RBBP8NL: variants seen among roughly 807,000 people sequenced by gnomAD.
RBBP8NL encodes the protein RBBP8 N-terminal-like protein.
RBBP8NL carries 59 observed loss-of-function variants against 62.2 expected under a neutral mutation model. That is an observed-to-expected ratio of 0.95 (90% CI 0.77 to 1.18). The LOEUF (loss-of-function observed/expected upper bound fraction) is 1.18, where lower values mean the gene tolerates loss of function less well. Ranked by LOEUF, RBBP8NL falls within the 50% of genes most tolerant of loss-of-function variation. RBBP8NL has a pLI of 0.00. For synonymous variants in RBBP8NL, 412 were observed against 394.1 expected (o/e 1.05, Z -0.54); for missense variants, 896 against 899.5 (o/e 1.00, Z 0.05).
chr20:62,422,489 G>C (rs1450970896), intron 1 of RBBP8NL, among the ~76,000 whole-genome samples: 1 of 146,670 alleles, frequency 6.8e-6, no homozygotes, highest in Admixed American at 6.8e-5. Flanking sequence ...CTCTAACTGA[G>C]GGTGGCAGGC....
Position 62,419,308 on chromosome 20 carries a change from CA to C in RBBP8NL, c.61+278del, listed in dbSNP as rs532243166. ...GCAGGTGGCCATGAGGTGTTGGTGG[CA>C]ACCCTTGAAAGTGCCCCTCCCCCTC... On this transcript the variant is annotated intron_variant, in intron 2 of 13. Coordinates refer to ENST00000252998, the MANE Select transcript of RBBP8NL (RefSeq NM_080833.3). 5.3e-4 allele frequency among the ~76,000 whole-genome samples: 81 copies of C among 152,306 alleles called. No homozygotes were observed. In the East Asian group the frequency reaches 0.014, roughly 26 times the overall value.
At chr20:62,424,188 G>C (rs1988761393) in intron 1 of RBBP8NL, among the ~76,000 whole-genome samples, 2 of 152,018 alleles carry the variant, frequency 1.3e-5, no homozygotes, top group Admixed American at 1.3e-4. Context: ...CCACTCGGGA[G>C]TCCAGGCTGG....
chr20:62,418,222 C>T (rs1350901422), intron 3 of RBBP8NL, among the ~76,000 whole-genome samples: 2 of 152,302 alleles, frequency 1.3e-5, no homozygotes, highest in East Asian at 1.9e-4. Flanking sequence ...CCTGGGAGGC[C>T]GACGCAACTG....
At chr20:62,416,632 A>G in intron 5 of RBBP8NL, 128 bp downstream of exon 5, 1 of 655,716 alleles carries the variant, frequency 1.5e-6, no homozygotes, top group Admixed American at 2.7e-5. Context: ...TTGGGTTGTG[A>G]GGTTCCCCCA....
intron 1 of RBBP8NL, among the ~76,000 whole-genome samples, chr20:62,425,038 C>A (rs1988778019): frequency 6.6e-6 from 1 of 152,292 alleles, no homozygotes; most frequent in South Asian, 2.1e-4. Flanking sequence ...CTCTATGCGG[C>A]CTTGGGCAAG....
At chr20:62,417,853 C>G (rs80323438) in intron 3 of RBBP8NL, among the ~76,000 whole-genome samples, 1 of 39,882 alleles carries the variant, frequency 2.5e-5, no homozygotes, top group African/African-American at 1.3e-4. Context: ...GCTCCTCTGT[C>G]ACGTCTGTCC....
intron 13 of RBBP8NL, among the ~76,000 whole-genome samples, chr20:62,412,067 G>A (rs1988446488): frequency 6.6e-6 from 1 of 152,240 alleles, no homozygotes; most frequent in Non-Finnish European, 1.5e-5. Flanking sequence ...CAGGGCCGAG[G>A]CTCCTGCCGG....
chr20:62,418,411 G>A lies in RBBP8NL; in HGVS notation c.104+12C>T, dbSNP rs1376517514. 6 of 1,550,186 alleles carry A rather than the reference G, an allele frequency of 3.9e-6. No individual in the cohort carries two copies. The highest frequency in any genetic ancestry group is 5.2e-6 in the Non-Finnish European group (6 of 1,146,860). ...GTCCCTGTGAGGAGGGGCCCTGCTT[G>A]GCCTGACTCACCGGCACCTCTCTGA... On this transcript the variant is annotated intron_variant, in intron 3 of 13. Transcript: ENST00000252998.
Position 62,414,558 on chromosome 20 carries a change from TG to T in RBBP8NL, c.795-3del. 7.0e-7 allele frequency: 1 copy of T among 1,420,358 alleles called. No individual in the cohort carries two copies. The highest frequency in any genetic ancestry group is 9.2e-7 in the Non-Finnish European group (1 of 1,082,082). The allele number at this position is 1,420,358 out of a possible 1,614,324, so 88.0% of individuals were successfully genotyped here. ...GAGGGCCGGGAGGCCCGCAGGAAGC[TG>T]TGAGGGAGGAGAAGCCGAATGACCA... is the stretch of plus-strand genomic sequence containing the variant. On this transcript the variant is annotated splice_polypyrimidine_tract_variant and splice_region_variant and intron_variant, in intron 9 of 13. Coordinates refer to ENST00000252998, the MANE Select transcript of RBBP8NL (RefSeq NM_080833.3).
At chr20:62,424,588 A>T (rs2146446800) in intron 1 of RBBP8NL, among the ~76,000 whole-genome samples, 1 of 152,148 alleles carries the variant, frequency 6.6e-6, no homozygotes, top group Admixed American at 6.5e-5. Flanking sequence ...CATCCAGTAA[A>T]CGGGTGCCTC....
chr20:62,416,294 T>TGGGGTGGGGGGGGTGGGGGGGGGGGGG, intron 5 of RBBP8NL, 58 bp from the exon 6 acceptor site: 6 of 515,298 alleles, frequency 1.2e-5, no homozygotes, highest in East Asian at 4.7e-5. Flanking sequence ...GGGGCAGGGG[T>TGGGGTGGGGGGGGTGGGGGGGGGGGGG]GGGGTCGTCA....
At chr20:62,418,290 C>G (rs1988625702) in intron 3 of RBBP8NL, 133 bp downstream of exon 3, 1 of 915,112 alleles carries the variant, frequency 1.1e-6, no homozygotes, top group Admixed American at 2.0e-5. Flanking sequence ...AGTGACTCCC[C>G]CCGCCCCCAC....
chr20:62,412,061 G>T (rs1175956757), intron 13 of RBBP8NL, among the ~76,000 whole-genome samples: 1 of 152,254 alleles, frequency 6.6e-6, no homozygotes, highest in Non-Finnish European at 1.5e-5. Flanking sequence ...TCGGACCAGG[G>T]CCGAGGCTCC....
In RBBP8NL at chr20:62,417,219, C is replaced by A; in HGVS notation, c.200+5G>T. 1 of 1,592,490 alleles carries A rather than the reference C, an allele frequency of 6.3e-7. No individual in the cohort carries two copies. The highest frequency in any genetic ancestry group is 1.1e-5 in the South Asian group (1 of 87,842). ...CCATGCTGCGAGGTGTCCTCCCAGG[C>A]CCACCTGTTCTCCAGCACCCGCAGG... On this transcript the variant is annotated splice_donor_5th_base_variant and intron_variant, in intron 4 of 13. Transcript: ENST00000252998.
At chr20:62,423,996 C>A (rs191899004) in intron 1 of RBBP8NL, among the ~76,000 whole-genome samples, 1 of 130,182 alleles carries the variant, frequency 7.7e-6, no homozygotes, top group Non-Finnish European at 1.6e-5. Context: ...TGGGGGAACT[C>A]GGAAGGAGGG....
At chr20:62,416,294 T>TGGGGGGGGGGGGGGG in intron 5 of RBBP8NL, 58 bp from the exon 6 acceptor site, 2 of 515,298 alleles carry the variant, frequency 3.9e-6, no homozygotes, top group African/African-American at 2.0e-5. Context: ...GGGGCAGGGG[T>TGGGGGGGGGGGGGGG]GGGGTCGTCA....
intron 6 of RBBP8NL, 104 bp from the exon 7 acceptor site, chr20:62,416,049 C>A: frequency 6.8e-7 from 1 of 1,460,372 alleles, no homozygotes; most frequent in Non-Finnish European, 9.3e-7. Flanking sequence ...ACGCAGCTGT[C>A]CCGACACTGC....
intron 5 of RBBP8NL, 37 bp from the exon 6 acceptor site, chr20:62,416,273 TGGG>T: frequency 7.1e-6 from 1 of 140,726 alleles, no homozygotes; most frequent in Non-Finnish European, 1.4e-5. Flanking sequence ...AGCCAGGGGT[TGGG>T]GGGGACAGGG....
intron 1 of RBBP8NL, among the ~76,000 whole-genome samples, chr20:62,423,577 T>A (rs1215308752): frequency 6.6e-6 from 1 of 151,998 alleles, no homozygotes; most frequent in Admixed American, 6.5e-5. Context: ...CCGACGCCCA[T>A]AAAGGAGCCG....
Sources: gnomAD v4.1 joint callset for allele counts (sites outside exome capture counted in the v4.1 genomes callset) on GRCh38, gnomAD v4.1.1 for gene constraint, MANE v1.5 for transcripts, NCBI Gene and HGNC (gene_info 2026-07-23, HGNC 2026-07-21) for gene names.